The following FREM2 variants were observed in gnomAD, a reference collection of about 807,000 sequenced individuals.
The protein encoded by FREM2 is FRAS1 related extracellular matrix 2, also known as FRAS1-related extracellular matrix protein 2.
In FREM2, 119 loss-of-function variants were observed where a neutral mutation model predicts 219.9. The ratio of observed to expected loss-of-function variants is 0.54; its 90% CI spans 0.47 to 0.63. The LOEUF (loss-of-function observed/expected upper bound fraction) is 0.63. FREM2 is among the 30% of genes least tolerant of loss of function. FREM2 has a pLI of 0.00. For missense variants in FREM2, 4,030 were observed against 3,993.6 expected (o/e 1.01, Z -0.25); for synonymous variants, 1,562 against 1,522.8 (o/e 1.03, Z -0.60).
chr13:38,823,089 G>A (rs114652212), intron 6 of FREM2, among the ~76,000 whole-genome samples: 5 of 151,896 alleles, frequency 3.3e-5, no homozygotes, highest in Admixed American at 3.3e-4. Flanking sequence ...TTTTATTCCC[G>A]CTTATCCCTA....
At chr13:38,733,990 A>C (rs1658204040) in intron 2 of FREM2, among the ~76,000 whole-genome samples, 1 of 152,206 alleles carries the variant, frequency 6.6e-6, no homozygotes, top group African/African-American at 2.4e-5. Context: ...TCACTTAAAC[A>C]AATATTTAGA....
intron 2 of FREM2, among the ~76,000 whole-genome samples, chr13:38,708,328 A>T (rs1461144326): frequency 6.6e-6 from 1 of 152,138 alleles, no homozygotes; most frequent in Non-Finnish European, 1.5e-5. Flanking sequence ...TGACCTGGAT[A>T]TAGCTTGTTT....
At chr13:38,719,892 C>G (rs111429587) in intron 2 of FREM2, among the ~76,000 whole-genome samples, 4 of 152,286 alleles carry the variant, frequency 2.6e-5, no homozygotes, top group African/African-American at 9.6e-5. Flanking sequence ...GCAAAAATAT[C>G]TAACTTGCTG....
At chr13:38,825,793 G>A (rs1032234234) in intron 6 of FREM2, among the ~76,000 whole-genome samples, 1 of 152,082 alleles carries the variant, frequency 6.6e-6, no homozygotes, top group Admixed American at 6.6e-5. Context: ...GCTCTGCCAT[G>A]AGCATCACTC....
rs570804152 is a variant in FREM2 at position 38,861,657 on chromosome 13, A to G, written c.7651+95A>G. 43 of 1,408,126 alleles carry G rather than the reference A, an allele frequency of 3.1e-5. No homozygotes were observed. The African/African-American group carries it at 5.9e-4, about 19-fold the overall frequency. 87.2% of individuals were successfully genotyped at this position (1,408,126 alleles called of 1,614,324 possible). On this transcript the variant is annotated intron_variant, in intron 15 of 23. Coordinates refer to ENST00000280481, the MANE Select transcript of FREM2 (RefSeq NM_207361.6). ...ATCTTCTAAATAACCAAGCTTAAATAAACGTTCAATTTGCAACTTGAGCTT... is the reference window on the plus strand; with the variant it reads ...ATCTTCTAAATAACCAAGCTTAAATGAACGTTCAATTTGCAACTTGAGCTT...
intron 2 of FREM2, among the ~76,000 whole-genome samples, chr13:38,739,144 G>C (rs1327796434): frequency 6.6e-6 from 1 of 152,120 alleles, no homozygotes; most frequent in African/African-American, 2.4e-5. Context: ...AACAGAAATG[G>C]TAGAGTAGTA....
At chr13:38,755,971 A>G (rs1366577689) in intron 2 of FREM2, among the ~76,000 whole-genome samples, 1 of 152,166 alleles carries the variant, frequency 6.6e-6, no homozygotes, top group East Asian at 1.9e-4. Context: ...TCTACATACT[A>G]ATATTGTCAT....
At chr13:38,769,344 G>C (rs971150695) in intron 3 of FREM2, among the ~76,000 whole-genome samples, 2 of 152,086 alleles carry the variant, frequency 1.3e-5, no homozygotes, top group African/African-American at 4.8e-5. Flanking sequence ...GTAGCTTAAA[G>C]CATATATAGC....
Position 38,690,908 on chromosome 13 carries a change from T to G in FREM2, c.3564T>G (p.Asp1188Glu). Residue 1188 changes from aspartate to glutamate, a missense_variant, in exon 1 of 24, where the codon GAT (aspartate) becomes GAG (glutamate). Physicochemically the swap from Asp to Glu is conservative, Grantham distance 45 (BLOSUM62 2). Coordinates refer to ENST00000280481, the MANE Select transcript of FREM2 (RefSeq NM_207361.6). ...CCATTGTAATCATTCCCACCAATGATGAACAGCCAGAGATGTTTATGAGAG... is the reference window on the plus strand; with the variant it reads ...CCATTGTAATCATTCCCACCAATGAGGAACAGCCAGAGATGTTTATGAGAG... The part of the protein sequence containing the change: ...FFPIVIIPTN[D>E]EQPEMFMREF... 6.2e-7 allele frequency: 1 copy of G among 1,614,188 alleles called. No individual in the cohort carries two copies. Among genetic ancestry groups the G allele is most frequent in the Non-Finnish European group, 8.5e-7 (1 of 1,179,998 alleles).
intron 12 of FREM2, 70 bp from the exon 13 acceptor site, chr13:38,857,805 T>A: frequency 7.5e-7 from 1 of 1,329,710 alleles, no homozygotes; most frequent in Non-Finnish European, 1.1e-6. Context: ...TCGTGAGTAT[T>A]GTTCTGTGTG....
intron 2 of FREM2, among the ~76,000 whole-genome samples, chr13:38,713,420 A>G (rs1870860612): frequency 1.3e-5 from 2 of 152,188 alleles, no homozygotes; most frequent in Non-Finnish European, 2.9e-5. Flanking sequence ...TAATGAATCT[A>G]TAATGCATAC....
intron 6 of FREM2, among the ~76,000 whole-genome samples, chr13:38,805,855 A>G (rs545521149): frequency 6.6e-6 from 1 of 152,066 alleles, no homozygotes; most frequent in Admixed American, 6.6e-5. Context: ...CAAATAATAA[A>G]TATACCTTTA....
intron 6 of FREM2, among the ~76,000 whole-genome samples, chr13:38,826,256 G>C (rs911791706): frequency 6.6e-6 from 1 of 152,080 alleles, no homozygotes; most frequent in African/African-American, 2.4e-5. Context: ...TTAGAGATCT[G>C]ACTTCACGTA....
chr13:38,699,651 A>C (rs2138081481), intron 2 of FREM2, among the ~76,000 whole-genome samples: 1 of 152,184 alleles, frequency 6.6e-6, no homozygotes, highest in Middle Eastern at 3.4e-3. Context: ...TTACCTATGG[A>C]GCTCAGGCAG....
At chr13:38,782,987 A>C in intron 4 of FREM2, 83 bp from the exon 5 acceptor site, 5 of 1,482,896 alleles carry the variant, frequency 3.4e-6, no homozygotes, top group Non-Finnish European at 4.7e-6. Context: ...ATCAATCATT[A>C]GAGAAATTTT....
intron 4 of FREM2, chr13:38,779,352 ACC>A (rs1874017304): frequency 6.6e-6 from 1 of 152,032 alleles, no homozygotes; most frequent in Non-Finnish European, 1.5e-5. Context: ...TATGTAACAA[ACC>A]TACACGTTCT....
Position 38,691,000 on chromosome 13 carries a change from A to G in FREM2, c.3656A>G (p.Asp1219Gly), listed in dbSNP as rs1593344144. 6.2e-7 allele frequency: 1 copy of G among 1,614,116 alleles called. No homozygotes were observed. The highest frequency in any genetic ancestry group is 1.3e-5 in the African/African-American group (1 of 75,038). Residue 1219 changes from aspartate to glycine, a missense_variant, in exon 1 of 24, where the codon GAT becomes GGT. Physicochemically the swap from Asp to Gly is moderately conservative, Grantham distance 94. Coordinates refer to ENST00000280481, the MANE Select transcript of FREM2 (RefSeq NM_207361.6). ...DTPILNAADA[D>G]VPLDDLTFTI... ...CCCATTCTCAATGCTGCTGATGCTG[A>G]TGTTCCCCTGGATGATTTAACTTTC...
At chr13:38,792,052 A>C (rs1454203548) in intron 6 of FREM2, among the ~76,000 whole-genome samples, 1 of 152,228 alleles carries the variant, frequency 6.6e-6, no homozygotes, top group Non-Finnish European at 1.5e-5. Context: ...ATGAAAACAA[A>C]AATGTCCCTT....
Position 38,861,572 on chromosome 13 carries a change from T to A in FREM2, c.7651+10T>A. The A allele has an allele frequency of 6.2e-7, 1 of 1,614,054 alleles. No homozygotes were observed. Among genetic ancestry groups the A allele is most frequent in the Non-Finnish European group, 8.5e-7 (1 of 1,179,954 alleles). ...ATGCCACACATAGATGGTAGGTGAC[T>A]TGGGTAAGCAAATCCATGGAATTGT... On this transcript the variant is annotated intron_variant, in intron 15 of 23. Transcript: ENST00000280481.
Sources: gnomAD v4.1 joint callset for allele counts (sites outside exome capture counted in the v4.1 genomes callset) on GRCh38, gnomAD v4.1.1 for gene constraint, MANE v1.5 for transcripts, NCBI Gene and HGNC (gene_info 2026-07-23, HGNC 2026-07-21) for gene names.